ADAM9: variants seen among roughly 807,000 people sequenced by gnomAD.
ADAM9 encodes disintegrin and metalloproteinase domain-containing protein 9.
ADAM9 carries 54 observed loss-of-function variants against 108.1 expected under a neutral mutation model. The observed-to-expected ratio is 0.50, with a 90% CI of 0.40 to 0.63. The LOEUF (loss-of-function observed/expected upper bound fraction) is 0.63. Ranked by LOEUF, ADAM9 falls within the 20% of genes least tolerant of loss-of-function variation. The pLI, the probability that ADAM9 is intolerant of heterozygous loss-of-function variation, is 0.00. For synonymous variants in ADAM9, 316 were observed against 336.0 expected, an observed-to-expected ratio of 0.94 and a Z score of 0.65; for missense variants, 830 against 997.7, an observed-to-expected ratio of 0.83 and a Z score of 2.26.
At chr8:39,037,050 C>CTTTTTTTTTTTTT (rs58876607) in intron 11 of ADAM9, among the ~76,000 whole-genome samples, 1 of 78,608 alleles carries the variant, frequency 1.3e-5, no homozygotes, top group African/African-American at 5.4e-5. Flanking sequence ...TGCGCAAGTT[C>CTTTTTTTTTTTTT]TTTTTTTTTT....
intron 16 of ADAM9, among the ~76,000 whole-genome samples, chr8:39,082,206 ATAT>A (rs1236811815): frequency 6.6e-6 from 1 of 152,170 alleles, no homozygotes; most frequent in Admixed American, 6.5e-5. Flanking sequence ...TGAGTTTTAA[ATAT>A]TATCCTTTTG....
intron 11 of ADAM9, among the ~76,000 whole-genome samples, chr8:39,028,491 C>G (rs1836996893): frequency 1.3e-5 from 2 of 151,844 alleles, no homozygotes; most frequent in South Asian, 4.1e-4. Context: ...TTCAGGGAAA[C>G]AAGAAATGTG....
chr8:39,104,775 C>A lies in ADAM9; in HGVS notation c.*1075C>A. On this transcript the variant is annotated 3_prime_UTR_variant, in exon 22 of 22. Coordinates refer to ENST00000487273, the MANE Select transcript of ADAM9 (RefSeq NM_003816.3). ...ACCTACAAAAAAGTTACTGTGGTATCTATGAGTTATCATCTTAGCTGTGTT... is the reference window on the plus strand; with the variant it reads ...ACCTACAAAAAAGTTACTGTGGTATATATGAGTTATCATCTTAGCTGTGTT... 2.2e-6 allele frequency: 1 copy of A among 453,788 alleles called. No homozygotes were observed. The highest frequency in any genetic ancestry group is 4.4e-6 in the Non-Finnish European group (1 of 226,614). 28.1% of individuals were successfully genotyped at this position (453,788 alleles called of 1,614,324 possible). A position where few individuals can be genotyped will look rare whatever the true frequency, so the allele number is the denominator to read the frequency against.
At chr8:39,053,253 T>G (rs1031002159) in intron 12 of ADAM9, among the ~76,000 whole-genome samples, 1 of 152,202 alleles carries the variant, frequency 6.6e-6, no homozygotes, top group Non-Finnish European at 1.5e-5. Context: ...TGTCAATATT[T>G]TTTCCAAGTT....
intron 17 of ADAM9, 39 bp from the exon 18 acceptor site, chr8:39,082,929 T>G: frequency 6.4e-7 from 1 of 1,553,290 alleles, no homozygotes; most frequent in Non-Finnish European, 8.9e-7. Context: ...TAGAGCAACA[T>G]TCACAATTAA....
intron 15 of ADAM9, among the ~76,000 whole-genome samples, chr8:39,074,146 T>G (rs1838782832): frequency 6.6e-6 from 1 of 152,186 alleles, no homozygotes; most frequent in Non-Finnish European, 1.5e-5. Context: ...TCTGGAAAAG[T>G]CTTTTCTACC....
chr8:38,998,457 C>T (rs1835894879), intron 1 of ADAM9, among the ~76,000 whole-genome samples: 1 of 152,114 alleles, frequency 6.6e-6, no homozygotes, highest in African/African-American at 2.4e-5. Context: ...TATAAATTGT[C>T]AGTCATTACC....
intron 7 of ADAM9, among the ~76,000 whole-genome samples, chr8:39,021,081 TCTA>T (rs1273066107): frequency 1.3e-5 from 2 of 152,198 alleles, no homozygotes; most frequent in African/African-American, 2.4e-5. Flanking sequence ...GTTTTAAAGT[TCTA>T]CTAATTTGGA....
chr8:39,037,815 C>T (rs983383913), intron 11 of ADAM9, among the ~76,000 whole-genome samples: 3 of 152,184 alleles, frequency 2.0e-5, no homozygotes, highest in African/African-American at 7.2e-5. Flanking sequence ...GTTTAAACTG[C>T]AGTCTTCTTT....
intron 20 of ADAM9, among the ~76,000 whole-genome samples, chr8:39,101,500 G>A (rs1839692780): frequency 6.6e-6 from 1 of 152,224 alleles, no homozygotes; most frequent in Admixed American, 6.5e-5. Context: ...ATGAGGGGCT[G>A]AGAGAGTAAC....
At chr8:39,052,897 A>G (rs9643902) in intron 12 of ADAM9, among the ~76,000 whole-genome samples, 35,884 of 152,036 alleles carry the variant, frequency 0.24, 4,546 homozygotes, top group South Asian at 0.31. Flanking sequence ...TTAACTTTTC[A>G]AGAAACTCTC....
chr8:39,059,797 G>T (rs529376990), intron 14 of ADAM9, among the ~76,000 whole-genome samples: 5 of 152,222 alleles, frequency 3.3e-5, no homozygotes, highest in Non-Finnish European at 7.3e-5. Context: ...ATCATATCAT[G>T]TGTAGAACCA....
At chr8:39,009,900 G>T (rs1196806418) in intron 2 of ADAM9, among the ~76,000 whole-genome samples, 1 of 93,104 alleles carries the variant, frequency 1.1e-5, no homozygotes, top group South Asian at 3.7e-4. Flanking sequence ...AGTGATGGGG[G>T]GGGGGGGCAG....
intron 12 of ADAM9, among the ~76,000 whole-genome samples, chr8:39,049,505 G>A (rs928599969): frequency 1.3e-5 from 2 of 148,862 alleles, no homozygotes; most frequent in Non-Finnish European, 3.0e-5. Flanking sequence ...GCAGTGGTGC[G>A]ATGGCTCACT....
At chr8:39,044,341 C>T (rs758269549) in intron 12 of ADAM9, among the ~76,000 whole-genome samples, 2 of 152,102 alleles carry the variant, frequency 1.3e-5, no homozygotes, top group African/African-American at 2.4e-5. Context: ...AAGGGACTAC[C>T]TTTTCACCAT....
At chr8:39,085,600 G>C (rs56186717) in intron 18 of ADAM9, among the ~76,000 whole-genome samples, 12,908 of 151,988 alleles carry the variant, frequency 0.085, 836 homozygotes, top group African/African-American at 0.19. Flanking sequence ...AACTGGGCAA[G>C]GATTTTGGGT....
At chr8:39,040,288 A>T (rs1837419472) in intron 11 of ADAM9, among the ~76,000 whole-genome samples, 1 of 152,146 alleles carries the variant, frequency 6.6e-6, no homozygotes, top group South Asian at 2.1e-4. Flanking sequence ...ACCTCAAGCG[A>T]TCCGCCCGCC....
chr8:39,017,475 A>G, intron 6 of ADAM9, 61 bp downstream of exon 6: 1 of 1,532,186 alleles, frequency 6.5e-7, no homozygotes, highest in Admixed American at 1.8e-5. Context: ...TCATGTATTT[A>G]TTCATGAAAT....
chr8:39,058,948 A>G (rs1838210789), intron 14 of ADAM9, among the ~76,000 whole-genome samples: 1 of 152,134 alleles, frequency 6.6e-6, no homozygotes, highest in African/African-American at 2.4e-5. Context: ...CCTTTTGGAG[A>G]ACCTTGCCCC....
Sources: allele counts gnomAD v4.1 joint callset (sites outside exome capture counted in the v4.1 genomes callset), GRCh38; gene constraint gnomAD v4.1.1; transcripts MANE v1.5; gene names NCBI Gene and HGNC (gene_info 2026-07-23, HGNC 2026-07-21).